The following PTPRD variants were observed in gnomAD, a reference collection of about 807,000 sequenced individuals.
PTPRD encodes protein tyrosine phosphatase receptor type D, also known as receptor-type tyrosine-protein phosphatase delta.
A neutral mutation model predicts 214.5 loss-of-function variants in PTPRD; 34 were observed. The observed-to-expected ratio is 0.16, with a 90% CI of 0.12 to 0.21. The LOEUF is 0.21. PTPRD is among the 10% of genes least tolerant of loss of function. The pLI, the probability that PTPRD is intolerant of heterozygous loss-of-function variation, is 1.00. For missense variants in PTPRD, 2,545 were observed against 2,398.7 expected (o/e 1.06, Z -1.27); for synonymous variants, 1,128 against 845.7 (o/e 1.33, Z -5.79).
chr9:8,610,264 T>C (rs1283380206), intron 14 of PTPRD, among the ~76,000 whole-genome samples: 3 of 152,122 alleles, frequency 2.0e-5, no homozygotes, highest in Admixed American at 2.0e-4. Flanking sequence ...AAAACACATA[T>C]ATATATTTTT....
intron 6 of PTPRD, among the ~76,000 whole-genome samples, chr9:9,735,864 T>G (rs975366884): frequency 3.9e-5 from 6 of 152,146 alleles, no homozygotes; most frequent in Non-Finnish European, 8.8e-5. Flanking sequence ...TTCTTTGCGG[T>G]GCGTTATAAA....
chr9:9,745,684 G>T (rs2098450476), intron 6 of PTPRD, among the ~76,000 whole-genome samples: 3 of 152,112 alleles, frequency 2.0e-5, no homozygotes, highest in African/African-American at 7.2e-5. Context: ...TCACAGTCTA[G>T]ATAATCTTGT....
At chr9:9,999,212 C>T (rs1305750301) in intron 4 of PTPRD, among the ~76,000 whole-genome samples, 1 of 152,152 alleles carries the variant, frequency 6.6e-6, no homozygotes, top group Non-Finnish European at 1.5e-5. Context: ...GTTCTTTTGA[C>T]AGTTACAGGA....
intron 2 of PTPRD, among the ~76,000 whole-genome samples, chr9:10,527,523 C>T (rs1225983497): frequency 6.6e-6 from 1 of 152,172 alleles, no homozygotes; most frequent in African/African-American, 2.4e-5. Flanking sequence ...ATGGCTTGTA[C>T]ATTGTCATAA....
rs918653949 is a variant in PTPRD, at chr9:10,496,893, C to T, written c.-600+115505G>A. On this transcript the variant is annotated intron_variant, in intron 2 of 45. Transcript: ENST00000381196. ...ATGCATAGTTTGCAAGTATTTTCTC[C>T]CATTCTGTAGACTGTCTGTTTACTT... Among the ~76,000 whole-genome samples, 5 of 152,036 alleles carry T rather than the reference C, an allele frequency of 3.3e-5. No individual in the cohort carries two copies. The South Asian group carries it at 8.3e-4, about 25-fold the overall frequency.
chr9:9,021,222 T>C (rs962110942), intron 10 of PTPRD, among the ~76,000 whole-genome samples: 8 of 152,110 alleles, frequency 5.3e-5, no homozygotes, highest in Non-Finnish European at 1.0e-4. Context: ...GCATAACATA[T>C]CAGTCAGCAA....
intron 8 of PTPRD, among the ~76,000 whole-genome samples, chr9:9,478,130 T>G (rs2095200244): frequency 9.0e-6 from 1 of 110,816 alleles, no homozygotes; most frequent in African/African-American, 3.0e-5. Flanking sequence ...AAACCTTCTT[T>G]GGCCTTGTTA....
In PTPRD at chr9:10,435,029, G is replaced by A. The variant is rs1265468078; in HGVS notation, c.-599-94012C>T. Among the ~76,000 whole-genome samples the A allele has an allele frequency of 4.6e-5, 7 of 151,836 alleles. No homozygotes were observed. In the Admixed American group the frequency reaches 4.6e-4, roughly 10 times the overall value. ...GAGAGCAAATACGAAACACTAAACT[G>A]CGAATTTTTCAATTTTATTTGAATC... On this transcript the variant is annotated intron_variant, in intron 2 of 45. Transcript: ENST00000381196.
At chr9:8,736,201 T>A (rs2090332239) in intron 11 of PTPRD, among the ~76,000 whole-genome samples, 1 of 152,172 alleles carries the variant, frequency 6.6e-6, no homozygotes, top group Admixed American at 6.5e-5. Flanking sequence ...AGGCAATGAC[T>A]GGCTCCAAGC....
intron 8 of PTPRD, among the ~76,000 whole-genome samples, chr9:9,419,654 G>A (rs925880931): frequency 3.3e-5 from 5 of 151,602 alleles, no homozygotes; most frequent in Non-Finnish European, 5.9e-5. Context: ...ATAAAACCCA[G>A]TTTATTAGTT....
chr9:8,951,848 G>C (rs141586193), intron 11 of PTPRD, among the ~76,000 whole-genome samples: 1 of 151,882 alleles, frequency 6.6e-6, no homozygotes, highest in Non-Finnish European at 1.5e-5. Context: ...CATTCACACA[G>C]CAGTGAAAAT....
chr9:9,377,675 A>G (rs2061145263), intron 9 of PTPRD, among the ~76,000 whole-genome samples: 1 of 152,052 alleles, frequency 6.6e-6, no homozygotes, highest in African/African-American at 2.4e-5. Flanking sequence ...CCCTTCAGAC[A>G]TTGACTACAA....
At chr9:10,597,809 A>G (rs2076962737) in intron 2 of PTPRD, among the ~76,000 whole-genome samples, 1 of 151,868 alleles carries the variant, frequency 6.6e-6, no homozygotes, top group Admixed American at 6.6e-5. Context: ...AGCAAGAAGC[A>G]TAAACTTTCT....
chr9:10,217,120 T>G (rs566481972), intron 3 of PTPRD, among the ~76,000 whole-genome samples: 1 of 151,982 alleles, frequency 6.6e-6, no homozygotes, highest in Non-Finnish European at 1.5e-5. Flanking sequence ...CAAGTGGCAT[T>G]GAAACTAGCT....
chr9:10,135,714 G>T (rs2098937799), intron 3 of PTPRD, among the ~76,000 whole-genome samples: 1 of 151,968 alleles, frequency 6.6e-6, no homozygotes, highest in African/African-American at 2.4e-5. Flanking sequence ...AGTATTACAA[G>T]AGGTCCTTAA....
At chr9:9,343,358 C>G (rs909474647) in intron 9 of PTPRD, among the ~76,000 whole-genome samples, 1 of 152,148 alleles carries the variant, frequency 6.6e-6, no homozygotes, top group Non-Finnish European at 1.5e-5. Context: ...AAAAGTGTTC[C>G]TATTTCTCCA....
At chr9:9,436,131 G>A (rs752884635) in intron 8 of PTPRD, among the ~76,000 whole-genome samples, 6 of 152,156 alleles carry the variant, frequency 3.9e-5, no homozygotes, top group Non-Finnish European at 8.8e-5. Flanking sequence ...TGGGTCAATG[G>A]GGGATGGTAG....
At chr9:8,485,508 C>G in intron 28 of PTPRD, 184 bp from the exon 29 acceptor site, 1 of 620,564 alleles carries the variant, frequency 1.6e-6, no homozygotes, top group Non-Finnish European at 2.8e-6. Context: ...TCTTTCCTTT[C>G]TCTCCAATTC....
At chr9:9,714,657 T>C (rs998075933) in intron 7 of PTPRD, among the ~76,000 whole-genome samples, 4 of 152,086 alleles carry the variant, frequency 2.6e-5, no homozygotes, top group South Asian at 2.1e-4. Flanking sequence ...ATTCTAACAA[T>C]GAAAAGAGAA....
Sources: allele counts gnomAD v4.1 joint callset (sites outside exome capture counted in the v4.1 genomes callset), GRCh38; gene constraint gnomAD v4.1.1; transcripts MANE v1.5; gene names NCBI Gene and HGNC (gene_info 2026-07-23, HGNC 2026-07-21).